Variants in LIFR observed in about 807,000 individuals in gnomAD.
LIFR encodes the protein LIF receptor subunit alpha, also known as leukemia inhibitory factor receptor.
LIFR carries 84 observed loss-of-function variants against 122.2 expected under a neutral mutation model. The observed-to-expected ratio is 0.69, with a 90% CI of 0.58 to 0.82. The LOEUF (loss-of-function observed/expected upper bound fraction) is 0.82, where lower values mean the gene tolerates loss of function less well. Among genes scored for constraint, LIFR ranks in the 40% least tolerant of loss-of-function variants. The pLI is 0.00. For synonymous variants in LIFR, 422 were observed against 434.7 expected (o/e 0.97, Z 0.36); for missense variants, 1,294 against 1,311.6 (o/e 0.99, Z 0.21).
intron 4 of LIFR, 80 bp from the exon 5 acceptor site, chr5:38,523,662 C>G: frequency 9.3e-7 from 1 of 1,080,866 alleles, no homozygotes; most frequent in Non-Finnish European, 1.4e-6. Context: ...TAATCAACTA[C>G]TTATAAACTC....
Position 38,476,129 on chromosome 5 carries a change from TTATGA to T in LIFR, c.*5461_*5465del, listed in dbSNP as rs1390998206. On this transcript the variant is annotated 3_prime_UTR_variant, in exon 20 of 20. Coordinates refer to ENST00000453190, the MANE Select transcript of LIFR (RefSeq NM_001127671.2). The stretch of plus-strand genomic sequence containing the variant: ...AAATTAAATACAAGGAAACACTAGC[TTATGA>T]TATATTAGACAATTTGGGGAAAAGC... The T allele has an allele frequency of 1.0e-5, 2 of 200,836 alleles. No individual in the cohort carries two copies. Among genetic ancestry groups the T allele is most frequent in the African/African-American group, 4.6e-5 (2 of 43,602 alleles). The allele number at this position is 200,836 out of a possible 1,614,324, so 12.4% of individuals were successfully genotyped here.
intron 15 of LIFR, among the ~76,000 whole-genome samples, chr5:38,489,861 G>A (rs1405926330): frequency 3.3e-5 from 5 of 150,962 alleles, no homozygotes; most frequent in African/African-American, 4.9e-5. Context: ...TGAGCATGGT[G>A]GCATGCACCT....
intron 1 of LIFR, among the ~76,000 whole-genome samples, chr5:38,574,994 A>G (rs149808774): frequency 0.011 from 1,648 of 152,312 alleles, 14 homozygotes; most frequent in Non-Finnish European, 0.016. Context: ...AAAGGCATGC[A>G]CTGAAATTGT....
intron 11 of LIFR, among the ~76,000 whole-genome samples, chr5:38,501,396 AAGT>A (rs1264139214): frequency 6.6e-6 from 1 of 152,190 alleles, no homozygotes; most frequent in Non-Finnish European, 1.5e-5. Context: ...TTTTTGGAGG[AAGT>A]ATTATACTGC....
rs770304013 is a variant in LIFR, at chr5:38,490,176, C to T, written c.2167+14G>A. The T allele has an allele frequency of 3.5e-6, 4 of 1,136,720 alleles. No homozygotes were observed. The highest frequency in any genetic ancestry group is 2.4e-5 in the East Asian group (1 of 41,700). 70.4% of individuals were successfully genotyped at this position (1,136,720 alleles called of 1,614,324 possible). A position where few individuals can be genotyped will look rare whatever the true frequency, so the allele number is the denominator to read the frequency against. On this transcript the variant is annotated intron_variant, in intron 15 of 19. Transcript: ENST00000453190. ...TGCCTTGAGCTCTTATAAATAAGTA[C>T]CCATTTAACTTACCCAATTCTTCTA...
At chr5:38,522,184 C>T (rs143595773) in intron 5 of LIFR, among the ~76,000 whole-genome samples, 22 of 152,330 alleles carry the variant, frequency 1.4e-4, no homozygotes, top group African/African-American at 5.1e-4. Context: ...CTGCGCTTCA[C>T]TCACGCTTCA....
In LIFR at chr5:38,481,592, C is replaced by A; in HGVS notation, c.*3G>T. 1.2e-6 allele frequency: 2 copies of A among 1,614,132 alleles called. No homozygotes were observed. The highest frequency in any genetic ancestry group is 1.1e-5 in the South Asian group (1 of 91,086). On this transcript the variant is annotated 3_prime_UTR_variant, in exon 20 of 20. Transcript: ENST00000453190. ...GGCTGACTGAAGTGACACGGTGACA[C>A]TGTTAATCGTTTGGTTTGTTCTGAA... is the stretch of plus-strand genomic sequence containing the variant.
chr5:38,504,456 A>G lies in LIFR; in HGVS notation c.1292-335T>C, dbSNP rs114287336. On this transcript the variant is annotated intron_variant, in intron 9 of 19. Transcript: ENST00000453190. ...AAGAAAAAAGAAAGAAAGGTAATTA[A>G]TAAGAATATAAATGCCAAGTTCTAA... 9.2e-3 allele frequency among the ~76,000 whole-genome samples: 1,389 copies of G among 151,506 alleles called. 22 individuals are homozygous for G. The highest frequency in any genetic ancestry group is 0.03 in the African/African-American group (1,236 of 41,340).
At chr5:38,528,635 C>G (rs891005189) in intron 3 of LIFR, 91 bp downstream of exon 3, 1 of 814,674 alleles carries the variant, frequency 1.2e-6, no homozygotes, top group East Asian at 2.7e-5. Flanking sequence ...CAGGAAATAA[C>G]CCTTTAGTTT....
rs568117729 is a variant in LIFR, at chr5:38,555,571, G to A, written c.-20+763C>T. 9.2e-5 allele frequency among the ~76,000 whole-genome samples: 14 copies of A among 152,158 alleles called. No homozygotes were observed. In the South Asian group the frequency reaches 2.9e-3, roughly 32 times the overall value. On this transcript the variant is annotated intron_variant, in intron 1 of 19. Coordinates refer to ENST00000453190, the MANE Select transcript of LIFR (RefSeq NM_001127671.2). ...CTTTTAAAGACACATAAAAAGAAAT[G>A]CAAAGAACCGATTTCCATATAAATG... is the stretch of plus-strand genomic sequence containing the variant.
At position 38,499,575 on chromosome 5, in the gene LIFR, T is replaced by G. The variant is rs763791874; in HGVS notation, c.1609A>C (p.Lys537Gln). ...CACTCTCTCCAAGTATCAGGCCCCT[T>G]TGAAGGACCTAAAAAGGAGATTTTA... ...QHLTTEASPS[K>Q]GPDTWREWSS... The change falls in exon 12 of 20, where the codon AAG becomes CAG. Residue 537 changes from lysine (K) to glutamine (Q), a missense_variant. Physicochemically the swap from Lys to Gln is moderately conservative, Grantham distance 53 (BLOSUM62 1). Coordinates refer to ENST00000453190, the MANE Select transcript of LIFR (RefSeq NM_001127671.2). 6.2e-7 allele frequency: 1 copy of G among 1,605,010 alleles called. No homozygotes were observed. Among genetic ancestry groups the G allele is most frequent in the African/African-American group, 1.3e-5 (1 of 74,738 alleles).
At chr5:38,537,005 T>C (rs957641972) in intron 1 of LIFR, among the ~76,000 whole-genome samples, 3 of 152,202 alleles carry the variant, frequency 2.0e-5, no homozygotes, top group Non-Finnish European at 2.9e-5. Flanking sequence ...CTTTTAAAAA[T>C]AGACTGTCTT....
intron 1 of LIFR, among the ~76,000 whole-genome samples, chr5:38,547,271 C>A (rs979694388): frequency 1.3e-5 from 2 of 152,208 alleles, no homozygotes; most frequent in Admixed American, 1.3e-4. Flanking sequence ...AAGTCTCACA[C>A]GTATCTTAAA....
intron 1 of LIFR, among the ~76,000 whole-genome samples, chr5:38,551,054 T>C (rs753642258): frequency 6.6e-6 from 1 of 152,172 alleles, no homozygotes; most frequent in Non-Finnish European, 1.5e-5. Context: ...TACAGTAAAA[T>C]TGTGGTGATC....
intron 1 of LIFR, among the ~76,000 whole-genome samples, chr5:38,593,606 G>C (rs1750002601): frequency 6.6e-6 from 1 of 152,106 alleles, no homozygotes; most frequent in African/African-American, 2.4e-5. Flanking sequence ...GATGAGAGGG[G>C]CACATAAGGT....
chr5:38,533,999 A>G (rs531112983), intron 1 of LIFR, among the ~76,000 whole-genome samples: 11 of 152,366 alleles, frequency 7.2e-5, no homozygotes, highest in African/African-American at 2.2e-4. Context: ...AAGACTCTGA[A>G]CTACTGTAAA....
intron 12 of LIFR, among the ~76,000 whole-genome samples, chr5:38,499,077 C>T (rs1745039170): frequency 6.6e-6 from 1 of 151,996 alleles, no homozygotes; most frequent in African/African-American, 2.4e-5. Context: ...CATCTAAATA[C>T]TTTACAAAAT....
chr5:38,586,937 C>T (rs1749769528), intron 1 of LIFR, among the ~76,000 whole-genome samples: 1 of 152,130 alleles, frequency 6.6e-6, no homozygotes, highest in Non-Finnish European at 1.5e-5. Flanking sequence ...TGAAAGAAAT[C>T]CATCAATTAA....
intron 1 of LIFR, among the ~76,000 whole-genome samples, chr5:38,574,532 A>G (rs1026255503): frequency 2.0e-5 from 3 of 152,134 alleles, no homozygotes; most frequent in African/African-American, 7.3e-5. Context: ...TAGTCAATCA[A>G]TCATTGTTGA....
Sources: gnomAD v4.1 joint callset for allele counts (sites outside exome capture counted in the v4.1 genomes callset) on GRCh38, gnomAD v4.1.1 for gene constraint, MANE v1.5 for transcripts, NCBI Gene and HGNC (gene_info 2026-07-23, HGNC 2026-07-21) for gene names.